Variants in TBC1D4 observed in about 807,000 individuals in gnomAD.
The protein encoded by TBC1D4 is TBC (Tre-2, BUB2, CDC16) domain-containing protein.
A neutral mutation model predicts 142.5 loss-of-function variants in TBC1D4; 121 were observed. That is an observed-to-expected ratio of 0.85 (90% CI 0.73 to 0.99). The LOEUF is 0.99. TBC1D4 is among the 50% of genes least tolerant of loss of function. The pLI is 0.00. For missense variants in TBC1D4, 1,475 were observed against 1,606.6 expected (o/e 0.92, Z 1.40); for synonymous variants, 630 against 628.2 (o/e 1.00, Z -0.04).
intron 18 of TBC1D4, 62 bp from the exon 19 acceptor site, chr13:75,292,333 C>A: frequency 7.2e-7 from 1 of 1,381,958 alleles, no homozygotes; most frequent in Non-Finnish European, 1.0e-6. Context: ...AAAAAGCACG[C>A]TATTTGTGCT....
Position 75,343,493 on chromosome 13 carries a change from C to T in TBC1D4, c.1409-1906G>A, listed in dbSNP as rs141812982. 1.2e-3 allele frequency among the ~76,000 whole-genome samples: 174 copies of T among 150,898 alleles called. 1 individual carries two copies. Among genetic ancestry groups the T allele is most frequent in the African/African-American group, 4.0e-3 (162 of 40,252 alleles). ...TTCATTTTGATGGTATGACACCACT[C>T]ACTATCACAGTTTATTTTATTTTAT... On this transcript the variant is annotated intron_variant, in intron 5 of 20. Coordinates refer to ENST00000377636, the MANE Select transcript of TBC1D4 (RefSeq NM_014832.5).
chr13:75,285,852 A>T lies in TBC1D4; in HGVS notation c.*940T>A, dbSNP rs1408347225. Reference sequence around the variant, plus strand: ...AGAGACCTAAATTACAAGCACTCACAATTTGGTGGGAAAGTGGCAAATCCT... The same window carrying T: ...AGAGACCTAAATTACAAGCACTCACTATTTGGTGGGAAAGTGGCAAATCCT... On this transcript the variant is annotated 3_prime_UTR_variant, in exon 21 of 21. Transcript: ENST00000377636. The T allele has an allele frequency of 6.6e-6, 1 of 152,598 alleles. No individual in the cohort carries two copies. Among genetic ancestry groups the T allele is most frequent in the Non-Finnish European group, 1.5e-5 (1 of 68,040 alleles). The allele number at this position is 152,598 out of a possible 1,614,324, so 9.5% of individuals were successfully genotyped here.
rs1012717898 is a variant in TBC1D4, at chr13:75,284,179, G to A, written c.*2613C>T. On this transcript the variant is annotated 3_prime_UTR_variant, in exon 21 of 21. Coordinates refer to ENST00000377636, the MANE Select transcript of TBC1D4 (RefSeq NM_014832.5). ...GGTCTTCAACCTTCTTGACACCAGG[G>A]ACTGGTTTCATGGAAGACAATCTTT... 3.3e-5 allele frequency among the ~76,000 whole-genome samples: 5 copies of A among 152,124 alleles called. No homozygotes were observed. Among genetic ancestry groups the A allele is most frequent in the Non-Finnish European group, 1.5e-5 (1 of 68,024 alleles).
At chr13:75,481,208 C>T in intron 1 of TBC1D4, 62 bp downstream of exon 1, 9 of 1,448,688 alleles carry the variant, frequency 6.2e-6, no homozygotes, top group Non-Finnish European at 8.5e-6. Context: ...CCGCCCCTCC[C>T]GCCCTGCTCC....
At chr13:75,364,609 G>T (rs934204978) in intron 1 of TBC1D4, among the ~76,000 whole-genome samples, 1 of 152,160 alleles carries the variant, frequency 6.6e-6, no homozygotes, top group Non-Finnish European at 1.5e-5. Context: ...ACCTGGCAAG[G>T]GCCAAAGCTA....
intron 1 of TBC1D4, among the ~76,000 whole-genome samples, chr13:75,388,740 C>A (rs1034219002): frequency 5.9e-5 from 9 of 152,176 alleles, no homozygotes; most frequent in Admixed American, 5.2e-4. Flanking sequence ...TTTCAGGGAA[C>A]CCCAGAGTTC....
intron 1 of TBC1D4, among the ~76,000 whole-genome samples, chr13:75,469,821 G>C (rs1888324968): frequency 6.6e-6 from 1 of 152,168 alleles, no homozygotes; most frequent in Non-Finnish European, 1.5e-5. Flanking sequence ...AATGTGACTT[G>C]CCTCAATGAT....
intron 1 of TBC1D4, among the ~76,000 whole-genome samples, chr13:75,461,420 A>G (rs1390575607): frequency 6.6e-6 from 1 of 152,214 alleles, no homozygotes; most frequent in East Asian, 1.9e-4. Flanking sequence ...TCCCATTTCC[A>G]TATATAATGG....
chr13:75,337,180 C>T (rs565734045), intron 7 of TBC1D4, 140 bp from the exon 8 acceptor site: 1 of 740,782 alleles, frequency 1.3e-6, no homozygotes, highest in African/African-American at 1.8e-5. Context: ...ATTTAGGTCC[C>T]ACACTGTGAA....
chr13:75,362,737 G>C lies in TBC1D4; in HGVS notation c.499-130C>G. 1.1e-6 allele frequency: 1 copy of C among 915,678 alleles called. No individual in the cohort carries two copies. The highest frequency in any genetic ancestry group is 1.7e-6 in the Non-Finnish European group (1 of 601,250). 56.7% of individuals were successfully genotyped at this position (915,678 alleles called of 1,614,324 possible). A position where few individuals can be genotyped will look rare whatever the true frequency, so the allele number is the denominator to read the frequency against. ...ATATACAAAGTAATAGACACTACAC[G>C]AGACAGAGCATACACTTACATTATT... On this transcript the variant is annotated intron_variant, in intron 1 of 20. Coordinates refer to ENST00000377636, the MANE Select transcript of TBC1D4 (RefSeq NM_014832.5). The surrounding 1 kb of genome is among the most constrained non-coding windows in gnomAD (Gnocchi z 4.2).
chr13:75,379,280 A>AC (rs1883687071), intron 1 of TBC1D4, among the ~76,000 whole-genome samples: 1 of 152,094 alleles, frequency 6.6e-6, no homozygotes, highest in African/African-American at 2.4e-5. Flanking sequence ...ACACACACAC[A>AC]GCTTTTCAAG....
At chr13:75,426,091 C>T (rs1886360746) in intron 1 of TBC1D4, among the ~76,000 whole-genome samples, 1 of 152,004 alleles carries the variant, frequency 6.6e-6, no homozygotes, top group Admixed American at 6.6e-5. Context: ...AAAATTTTTA[C>T]TTATCAATTG....
At position 75,428,128 on chromosome 13, in the gene TBC1D4, C is replaced by T. The variant is rs531403159; in HGVS notation, c.498+53142G>A. The stretch of plus-strand genomic sequence containing the variant: ...AACAGGGGACACAAAATTCAGCCTT[C>T]ATTAAGGGGGTGCTTCAGTACTGTT... On this transcript the variant is annotated intron_variant, in intron 1 of 20. Transcript: ENST00000377636. 9.9e-5 allele frequency among the ~76,000 whole-genome samples: 15 copies of T among 152,162 alleles called. No individual in the cohort carries two copies. In the South Asian group the frequency reaches 3.1e-3, roughly 32 times the overall value.
At chr13:75,398,701 G>A (rs1344392747) in intron 1 of TBC1D4, among the ~76,000 whole-genome samples, 1 of 152,170 alleles carries the variant, frequency 6.6e-6, no homozygotes, top group Non-Finnish European at 1.5e-5. Context: ...TCCATCTGCA[G>A]TCCCTCTCAG....
In TBC1D4 at chr13:75,284,843, C is replaced by A. The variant is rs559955426; in HGVS notation, c.*1949G>T. 7 of 152,144 alleles carry A rather than the reference C, an allele frequency of 4.6e-5. No homozygotes were observed. Among genetic ancestry groups the A allele is most frequent in the African/African-American group, 1.2e-4 (5 of 41,436 alleles). 9.4% of individuals were successfully genotyped at this position (152,144 alleles called of 1,614,324 possible). A position where few individuals can be genotyped will look rare whatever the true frequency, so the allele number is the denominator to read the frequency against. On this transcript the variant is annotated 3_prime_UTR_variant, in exon 21 of 21. Transcript: ENST00000377636. ...TATCCAAGTCAGCTTAATCTCTGAA[C>A]ACCATAATATAACTCTTAATGTTGA...
rs1325991721 is a variant in TBC1D4, at chr13:75,326,208, A to C, written c.2022T>G (p.Ser674Arg). 6.2e-7 allele frequency: 1 copy of C among 1,614,130 alleles called. No individual in the cohort carries two copies. The highest frequency in any genetic ancestry group is 1.1e-5 in the South Asian group (1 of 91,078). ...AGGGTCAGACTCACCTGCACTGTTC[A>C]CTGGAGCTCTGCCTCAGCAGAGGGG... The part of the protein sequence containing the change: ...VRSPLLRQSS[S>R]EQCSNLSSVR... The change falls in exon 10 of 21, where the codon AGT becomes AGG. Residue 674 changes from serine to arginine, a missense_variant. Ser to Arg is a moderately radical substitution (Grantham distance 110). Around this residue, in one of 2 missense-constraint regions of TBC1D4, gnomAD observed 1,227 missense variants for 1,267.7 expected, o/e 0.97. Transcript: ENST00000377636.
chr13:75,319,444 A>C (rs756200891), intron 12 of TBC1D4, among the ~76,000 whole-genome samples: 5 of 152,214 alleles, frequency 3.3e-5, no homozygotes, highest in Non-Finnish European at 7.3e-5. Flanking sequence ...AGAGATGTCA[A>C]CACAGATGTG....
chr13:75,474,642 T>C (rs1053626318), intron 1 of TBC1D4, among the ~76,000 whole-genome samples: 2 of 91,472 alleles, frequency 2.2e-5, no homozygotes, highest in Non-Finnish European at 4.7e-5. Context: ...AGAAATAATT[T>C]AACCTTTTTT....
chr13:75,299,609 T>A, intron 16 of TBC1D4, 35 bp from the exon 17 acceptor site: 1 of 1,612,224 alleles, frequency 6.2e-7, no homozygotes. Flanking sequence ...TTTTTTGAAA[T>A]GTCCTCATGC....
Sources: gnomAD v4.1 joint callset for allele counts (sites outside exome capture counted in the v4.1 genomes callset) on GRCh38, gnomAD v4.1.1 for gene constraint, gnomAD v4.1.1 regional missense constraint, Gnocchi (gnomAD v3.1) non-coding constraint, MANE v1.5 for transcripts, NCBI Gene and HGNC (gene_info 2026-07-23, HGNC 2026-07-21) for gene names.